The following SGSM1 variants were observed in gnomAD, a reference collection of about 807,000 sequenced individuals.
The protein encoded by SGSM1 is RUN and TBC1 domain containing 2.
In SGSM1, 73 loss-of-function variants were observed where a neutral mutation model predicts 133.8. That is an observed-to-expected ratio of 0.55 (90% confidence interval 0.45 to 0.66). The LOEUF is 0.66. SGSM1 is among the 30% of genes least tolerant of loss of function. SGSM1 has a pLI of 0.00. For synonymous variants in SGSM1, 563 were observed against 573.0 expected (o/e 0.98, Z 0.25); for missense variants, 1,213 against 1,448.1 (o/e 0.84, Z 2.64).
Position 24,898,142 on chromosome 22 carries a change from T to G in SGSM1, c.2193T>G (p.Ser731Arg). 1 of 1,613,988 alleles carries G rather than the reference T, an allele frequency of 6.2e-7. No homozygotes were observed. Among genetic ancestry groups the G allele is most frequent in the South Asian group, 1.1e-5 (1 of 91,074 alleles). Residue 731 changes from serine (S) to arginine (R), a missense_variant, in exon 19 of 25, where the codon AGT (serine) becomes AGG (arginine). Transcript: ENST00000400358. ...GCCTCTCAGAGCACTCAGAGCCCAG[T>G]CTGAGCACAGAAGACAGTGTCTTGG... ...SSGLSEHSEPSLSTEDSVLDA... is the reference protein window; with the variant it reads ...SSGLSEHSEPRLSTEDSVLDA...
chr22:24,868,102 G>T (rs958957036), intron 10 of SGSM1, among the ~76,000 whole-genome samples: 1 of 152,158 alleles, frequency 6.6e-6, no homozygotes, highest in Non-Finnish European at 1.5e-5. Context: ...TCTAGGGGGC[G>T]TCTTTTTCCT....
At chr22:24,901,128 G>T (rs1399871578) in intron 19 of SGSM1, 1 of 152,202 alleles carries the variant, frequency 6.6e-6, no homozygotes, top group Non-Finnish European at 1.5e-5. Flanking sequence ...GGTATAATCA[G>T]TCAGGTATTG....
chr22:24,883,625 G>T (rs976872783), intron 14 of SGSM1, among the ~76,000 whole-genome samples: 5 of 152,156 alleles, frequency 3.3e-5, no homozygotes, highest in African/African-American at 1.2e-4. Flanking sequence ...TGGAAAAGGG[G>T]AAGTTGACAA....
At chr22:24,877,749 T>C (rs1932094866) in intron 13 of SGSM1, among the ~76,000 whole-genome samples, 1 of 151,688 alleles carries the variant, frequency 6.6e-6, no homozygotes, top group Admixed American at 6.6e-5. Context: ...TTCAAGACCA[T>C]GTGTATACTT....
At chr22:24,861,772 C>A (rs1931166596) in intron 9 of SGSM1, among the ~76,000 whole-genome samples, 1 of 150,256 alleles carries the variant, frequency 6.7e-6, no homozygotes, top group African/African-American at 2.4e-5. Context: ...GGTCTCGACT[C>A]CTGACCTCAA....
At chr22:24,851,324 A>G (rs1004896057) in intron 5 of SGSM1, among the ~76,000 whole-genome samples, 13 of 151,792 alleles carry the variant, frequency 8.6e-5, no homozygotes, top group Middle Eastern at 6.8e-3. Flanking sequence ...CTTTCATGTC[A>G]CAGAGCTTGT....
Position 24,925,428 on chromosome 22 carries a change from ATT to A in SGSM1, c.*1157_*1158del, listed in dbSNP as rs1004915497. Reference sequence around the variant, plus strand: ...TGGAGTCTGGGATTCCATCTGTTGTATTTTCTCCTTTTTTCTCCTCTGTCTGA... The same window carrying A: ...TGGAGTCTGGGATTCCATCTGTTGTATTCTCCTTTTTTCTCCTCTGTCTGA... On this transcript the variant is annotated 3_prime_UTR_variant, in exon 25 of 25. Transcript: ENST00000400358. 1.3e-5 allele frequency: 2 copies of A among 151,782 alleles called. No individual in the cohort carries two copies. The highest frequency in any genetic ancestry group is 1.3e-4 in the Admixed American group (2 of 15,226). 9.4% of individuals were successfully genotyped at this position (151,782 alleles called of 1,614,324 possible). A position where few individuals can be genotyped will look rare whatever the true frequency, so the allele number is the denominator to read the frequency against.
chr22:24,893,084 G>C (rs182150703), intron 16 of SGSM1, among the ~76,000 whole-genome samples: 35 of 148,226 alleles, frequency 2.4e-4, no homozygotes, highest in South Asian at 6.5e-4. Flanking sequence ...GGAAGCGGAG[G>C]GGGGGGAGGG....
At chr22:24,834,561 T>C (rs937863148) in intron 2 of SGSM1, among the ~76,000 whole-genome samples, 6 of 152,164 alleles carry the variant, frequency 3.9e-5, no homozygotes, top group African/African-American at 1.4e-4. Flanking sequence ...GTACATGGAA[T>C]GGGCAGCTTG....
intron 2 of SGSM1, among the ~76,000 whole-genome samples, chr22:24,825,321 GAC>G (rs1386078970): frequency 5.3e-5 from 8 of 152,212 alleles, no homozygotes; most frequent in Admixed American, 5.2e-4. Flanking sequence ...GCAGCAGAGT[GAC>G]ACAGCCTGCC....
chr22:24,888,604 C>T (rs536175587), intron 16 of SGSM1, among the ~76,000 whole-genome samples: 2 of 152,184 alleles, frequency 1.3e-5, no homozygotes, highest in South Asian at 4.2e-4. Context: ...CCCATCTCTA[C>T]TAAAAATACA....
At chr22:24,859,515 T>G in intron 8 of SGSM1, 5 of 677,524 alleles carry the variant, frequency 7.4e-6, no homozygotes, top group Non-Finnish European at 1.3e-5. Context: ...GTAGAACCCA[T>G]TTGGGAGGCT....
chr22:24,867,013 G>A (rs1448454667), intron 9 of SGSM1, 80 bp from the exon 10 acceptor site: 1 of 1,351,292 alleles, frequency 7.4e-7, no homozygotes, highest in African/African-American at 1.4e-5. Context: ...GCTCCTGGTT[G>A]TGGTCTGCTG....
intron 24 of SGSM1, 96 bp downstream of exon 24, chr22:24,920,089 C>A: frequency 7.6e-7 from 1 of 1,311,494 alleles, no homozygotes; most frequent in Non-Finnish European, 1.0e-6. Flanking sequence ...GAGATGGATG[C>A]ATGGTGAAGG....
intron 2 of SGSM1, among the ~76,000 whole-genome samples, chr22:24,837,226 C>T (rs1411752069): frequency 2.6e-5 from 4 of 152,174 alleles, no homozygotes; most frequent in Admixed American, 2.6e-4. Context: ...TGAGTCACCT[C>T]CAATGATAGG....
chr22:24,877,445 C>A (rs970658803), intron 13 of SGSM1, among the ~76,000 whole-genome samples: 1 of 152,026 alleles, frequency 6.6e-6, no homozygotes, highest in African/African-American at 2.4e-5. Flanking sequence ...CCCATAGATC[C>A]TTTGTCTCTT....
chr22:24,824,025 T>C (rs1024443685), intron 2 of SGSM1, among the ~76,000 whole-genome samples: 9 of 152,212 alleles, frequency 5.9e-5, no homozygotes, highest in Non-Finnish European at 2.9e-5. Flanking sequence ...CCCAAGATCA[T>C]GCATGGATAA....
intron 18 of SGSM1, among the ~76,000 whole-genome samples, chr22:24,896,719 G>C (rs1175634926): frequency 1.3e-5 from 2 of 151,626 alleles, no homozygotes; most frequent in Non-Finnish European, 2.9e-5. Context: ...GCTCATGCCT[G>C]TAATCCCAGC....
intron 5 of SGSM1, among the ~76,000 whole-genome samples, chr22:24,851,117 A>G (rs1186685140): frequency 6.6e-6 from 1 of 150,956 alleles, no homozygotes; most frequent in African/African-American, 2.4e-5. Context: ...AAAAAAAAAA[A>G]AAGAAAAAAA....
Sources: gnomAD v4.1 joint callset for allele counts (sites outside exome capture counted in the v4.1 genomes callset) on GRCh38, gnomAD v4.1.1 for gene constraint, MANE v1.5 for transcripts, NCBI Gene and HGNC (gene_info 2026-07-23, HGNC 2026-07-21) for gene names.